CTNNA2: variants seen among roughly 807,000 people sequenced by gnomAD.
CTNNA2 encodes catenin alpha-2.
A neutral mutation model predicts 101.0 loss-of-function variants in CTNNA2; 42 were observed. That is an observed-to-expected ratio of 0.42 (90% CI 0.32 to 0.54). The LOEUF (loss-of-function observed/expected upper bound fraction) is 0.54, where lower values mean the gene tolerates loss of function less well. CTNNA2 is among the 20% of genes least tolerant of loss of function. The pLI, the probability that CTNNA2 is intolerant of heterozygous loss-of-function variation, is 0.14. For synonymous variants in CTNNA2, 450 were observed against 456.4 expected (o/e 0.99, Z 0.18); for missense variants, 871 against 1,223.1 (o/e 0.71, Z 4.29).
intron 2 of CTNNA2, among the ~76,000 whole-genome samples, chr2:79,700,340 A>G (rs1684921365): frequency 6.6e-6 from 1 of 152,098 alleles, no homozygotes; most frequent in South Asian, 2.1e-4. Context: ...AGCATTTCTG[A>G]TGCTGATGCT....
At chr2:80,161,467 T>A (rs1319933608) in intron 7 of CTNNA2, among the ~76,000 whole-genome samples, 8 of 152,142 alleles carry the variant, frequency 5.3e-5, no homozygotes. Flanking sequence ...TCTTAATACA[T>A]TACAAGTTTT....
At chr2:79,360,704 T>C (rs1341335399) in intron 3 of CTNNA2, among the ~76,000 whole-genome samples, 1 of 152,180 alleles carries the variant, frequency 6.6e-6, no homozygotes, top group East Asian at 1.9e-4. Flanking sequence ...ACAGGAAATG[T>C]AGAGGGTGAG....
rs368843887 is a variant in CTNNA2 at position 79,218,044 on chromosome 2, A to G, written c.-406+19968A>G. Among the ~76,000 whole-genome samples, 486 of 152,352 alleles carry G rather than the reference A, an allele frequency of 3.2e-3. 3 individuals carry two copies. The highest frequency in any genetic ancestry group is 0.011 in the African/African-American group (471 of 41,592). ...CTTCCATGATTCAGGCAATTCACTT[A>G]AAGTGTTGCAATCCCACAAAAGCCT... On this transcript the variant is annotated intron_variant, in intron 2 of 21. Transcript: ENST00000466387.
intron 3 of CTNNA2, among the ~76,000 whole-genome samples, chr2:79,822,102 G>A (rs1419186955): frequency 6.6e-6 from 1 of 151,804 alleles, no homozygotes; most frequent in Admixed American, 6.6e-5. Flanking sequence ...CCTAGCCTTC[G>A]GTAGCTTTAT....
intron 7 of CTNNA2, among the ~76,000 whole-genome samples, chr2:80,141,661 C>G (rs928275439): frequency 6.6e-6 from 1 of 151,960 alleles, no homozygotes; most frequent in African/African-American, 2.4e-5. Context: ...GCAGGGATCA[C>G]TCTTAGGGGT....
chr2:79,935,547 T>C (rs1002965095), intron 7 of CTNNA2, among the ~76,000 whole-genome samples: 26 of 152,196 alleles, frequency 1.7e-4, no homozygotes, highest in African/African-American at 6.3e-4. Context: ...CTGGATTTAG[T>C]TGATCTCATG....
chr2:80,050,862 T>A (rs1696833222), intron 7 of CTNNA2, among the ~76,000 whole-genome samples: 1 of 152,112 alleles, frequency 6.6e-6, no homozygotes, highest in East Asian at 1.9e-4. Context: ...ATTACAGGCA[T>A]GTACCACCAA....
intron 2 of CTNNA2, among the ~76,000 whole-genome samples, chr2:79,716,834 G>A (rs68164548): frequency 0.14 from 21,860 of 151,976 alleles, 2,471 homozygotes; most frequent in African/African-American, 0.32. Context: ...AAAATAAGAT[G>A]TACAAGAAAA....
At chr2:79,306,583 A>C (rs2104395808) in intron 2 of CTNNA2, among the ~76,000 whole-genome samples, 1 of 152,322 alleles carries the variant, frequency 6.6e-6, no homozygotes, top group Non-Finnish European at 1.5e-5. Context: ...GGCTGTTTTA[A>C]ATTTTAGGTA....
At chr2:79,594,727 A>G (rs1038470752) in intron 1 of CTNNA2, among the ~76,000 whole-genome samples, 6 of 151,882 alleles carry the variant, frequency 4.0e-5, no homozygotes, top group African/African-American at 1.5e-4. Flanking sequence ...GCCTACTTTC[A>G]TGTTTATCTC....
intron 2 of CTNNA2, among the ~76,000 whole-genome samples, chr2:79,664,963 G>A (rs1163032223): frequency 2.6e-5 from 4 of 151,896 alleles, no homozygotes; most frequent in Non-Finnish European, 4.4e-5. Flanking sequence ...CGCCCGTCTC[G>A]GCCTCCCAAA....
At chr2:80,570,621 G>GA (rs1694500337) in intron 12 of CTNNA2, among the ~76,000 whole-genome samples, 1 of 152,116 alleles carries the variant, frequency 6.6e-6, no homozygotes, top group Non-Finnish European at 1.5e-5. Context: ...ACTGGCCAAA[G>GA]AATATAATAA....
At chr2:79,486,864 G>A (rs1015523451) in intron 4 of CTNNA2, among the ~76,000 whole-genome samples, 5 of 152,128 alleles carry the variant, frequency 3.3e-5, no homozygotes, top group Non-Finnish European at 4.4e-5. Context: ...ACTAACTTTC[G>A]TATTGCTGGT....
At chr2:79,600,965 T>C (rs1558762849) in intron 1 of CTNNA2, among the ~76,000 whole-genome samples, 1 of 152,104 alleles carries the variant, frequency 6.6e-6, no homozygotes, top group Non-Finnish European at 1.5e-5. Flanking sequence ...CCTAATACCA[T>C]CACATTGTGG....
chr2:80,617,669 A>G (rs950167058), intron 17 of CTNNA2, among the ~76,000 whole-genome samples: 1 of 151,704 alleles, frequency 6.6e-6, no homozygotes, highest in Non-Finnish European at 1.5e-5. Context: ...CCAAATCCAT[A>G]ATCAGTTTGA....
intron 18 of CTNNA2, among the ~76,000 whole-genome samples, chr2:80,629,954 T>C (rs1438142049): frequency 6.6e-6 from 1 of 152,194 alleles, no homozygotes; most frequent in African/African-American, 2.4e-5. Flanking sequence ...GGGTGGAAGA[T>C]GGCAGATAAG....
rs191085897 is a variant in CTNNA2, at chr2:79,786,415, C to A, written c.298+41833C>A. ...AAAATGTAAGGTAATGGATTAAACA[C>A]ATCCTACTTTAAGATTTACTGTTGA... On this transcript the variant is annotated intron_variant, in intron 3 of 18. Transcript: ENST00000402739. Among the ~76,000 whole-genome samples, 1,101 of 152,184 alleles carry A rather than the reference C, an allele frequency of 7.2e-3. 7 individuals are homozygous for A. The highest frequency in any genetic ancestry group is 0.013 in the Non-Finnish European group (860 of 68,000).
chr2:80,228,071 T>C lies in CTNNA2; in HGVS notation c.1057-165140T>C, dbSNP rs1159058459. 2.0e-5 allele frequency among the ~76,000 whole-genome samples: 3 copies of C among 152,174 alleles called. No homozygotes were observed. In the East Asian group the frequency reaches 5.8e-4, roughly 29 times the overall value. ...AGTCCTATGTAGACCAAGCTGCTTT[T>C]CTGTATCAAGACCAAACTTGGACAA... On this transcript the variant is annotated intron_variant, in intron 7 of 18. Coordinates refer to ENST00000402739, the MANE Select transcript of CTNNA2 (RefSeq NM_001282597.3).
intron 7 of CTNNA2, among the ~76,000 whole-genome samples, chr2:80,053,585 A>G (rs957110541): frequency 2.0e-5 from 3 of 152,156 alleles, no homozygotes; most frequent in African/African-American, 7.2e-5. Context: ...TCAAACTGTC[A>G]ACAGTGCAAA....
Sources: gnomAD v4.1 joint callset for allele counts (sites outside exome capture counted in the v4.1 genomes callset) on GRCh38, gnomAD v4.1.1 for gene constraint, MANE v1.5 for transcripts, NCBI Gene and HGNC (gene_info 2026-07-23, HGNC 2026-07-21) for gene names.